DNM2: variants seen among roughly 807,000 people sequenced by gnomAD.
DNM2 encodes the protein dynamin-2.
A neutral mutation model predicts 99.0 loss-of-function variants in DNM2; 15 were observed. The observed-to-expected ratio is 0.15, with a 90% confidence interval of 0.10 to 0.23. The LOEUF is 0.23. DNM2 is among the 10% of genes least tolerant of loss of function. The pLI is 1.00. For synonymous variants in DNM2, 525 were observed against 481.2 expected, an observed-to-expected ratio of 1.09 and a Z score of -1.19; for missense variants, 742 against 1,189.4, an observed-to-expected ratio of 0.62 and a Z score of 5.53.
chr19:10,768,337 C>T (rs943765529), intron 2 of DNM2, among the ~76,000 whole-genome samples: 1 of 152,066 alleles, frequency 6.6e-6, no homozygotes, highest in African/African-American at 2.4e-5. Context: ...GCCTGTCGTC[C>T]CAGCTACTTA....
At chr19:10,773,431 G>A (rs2071044795) in intron 3 of DNM2, among the ~76,000 whole-genome samples, 1 of 141,736 alleles carries the variant, frequency 7.1e-6, no homozygotes. Context: ...ACAGACGTGA[G>A]CCGCCGCGCC....
chr19:10,767,218 T>TA (rs5827112), intron 2 of DNM2, among the ~76,000 whole-genome samples: 38,373 of 142,722 alleles, frequency 0.27, 5,638 homozygotes, highest in Middle Eastern at 0.39. Flanking sequence ...AGTGGATTGT[T>TA]AAAAAAAAAA....
rs2073100795 is a variant in DNM2, at chr19:10,825,158, C to T, written c.1995C>T (p.Ala665=). Residue 665 remains alanine, a synonymous_variant, in exon 18 of 21, where the codon GCC becomes GCT. Transcript: ENST00000389253. The part of the protein sequence containing the change: ...TIRNLVDSYV[A]IINKSIRDLM... Reference sequence around the variant, plus strand: ...GCAACCTGGTGGACTCATACGTGGCCATCATCAACAAGTCCATCCGCGACC... The same window carrying T: ...GCAACCTGGTGGACTCATACGTGGCTATCATCAACAAGTCCATCCGCGACC... 2.5e-6 allele frequency: 4 copies of T among 1,614,224 alleles called. No homozygotes were observed. The highest frequency in any genetic ancestry group is 3.4e-6 in the Non-Finnish European group (4 of 1,180,040).
At position 10,812,356 on chromosome 19, in the gene DNM2, G is replaced by A. The variant is rs766868775; in HGVS notation, c.1650G>A (p.Leu550=). The change falls in exon 15 of 21, where the codon CTG becomes CTA. Residue 550 remains leucine, a synonymous_variant. Coordinates refer to ENST00000389253, the MANE Select transcript of DNM2 (RefSeq NM_001005361.3). This position sits in a 1 kb window ranked among gnomAD's most constrained non-coding sequence, Gnocchi z 4.0. The stretch of plus-strand genomic sequence containing the variant: ...GGTTTGTGCTGACTGCCGAGTCACT[G>A]TCCTGGTACAAGGATGAGGAGGTGA... ...EYWFVLTAES[L]SWYKDEEEKE... is the part of the protein sequence containing the mutation. 2.5e-6 allele frequency: 4 copies of A among 1,609,378 alleles called. No homozygotes were observed. In the South Asian group the frequency reaches 3.3e-5, roughly 13 times the overall value.
At chr19:10,801,269 G>C (rs2072130784) in intron 11 of DNM2, among the ~76,000 whole-genome samples, 1 of 151,998 alleles carries the variant, frequency 6.6e-6, no homozygotes, top group African/African-American at 2.4e-5. Context: ...TTACGCCATT[G>C]CACGCCAGCC....
rs554498470 is a variant in DNM2 at position 10,796,324 on chromosome 19, C to T, written c.1196+885C>T. The T allele has an allele frequency of 3.8e-5, 55 of 1,458,426 alleles. 1 individual carries two copies. In the Admixed American group the frequency reaches 4.4e-4, roughly 12 times the overall value. 90.3% of individuals were successfully genotyped at this position (1,458,426 alleles called of 1,614,324 possible). A position where few individuals can be genotyped will look rare whatever the true frequency, so the allele number is the denominator to read the frequency against. ...TTTTCTCCCCATATCGCTTTGTGTC[C>T]GTGAACTTGGCCTCTCCCCAGAGGC... On this transcript the variant is annotated intron_variant, in intron 9 of 20. Coordinates refer to ENST00000389253, the MANE Select transcript of DNM2 (RefSeq NM_001005361.3). This position sits in a 1 kb window ranked among gnomAD's most constrained non-coding sequence, Gnocchi z 5.6.
At chr19:10,793,933 G>A in intron 8 of DNM2, 78 bp downstream of exon 8, 1 of 1,610,836 alleles carries the variant, frequency 6.2e-7, no homozygotes, top group Non-Finnish European at 8.5e-7. Context: ...CCTCCTCCCA[G>A]GCAATAAGGT....
intron 1 of DNM2, among the ~76,000 whole-genome samples, chr19:10,741,940 T>C (rs578156558): frequency 7.7e-4 from 116 of 151,216 alleles, no homozygotes; most frequent in Admixed American, 1.9e-3. Flanking sequence ...CTCCCTTCTT[T>C]CCTTCCTTCC....
At chr19:10,789,291 G>T (rs2071671322) in intron 7 of DNM2, among the ~76,000 whole-genome samples, 1 of 152,124 alleles carries the variant, frequency 6.6e-6, no homozygotes, top group Non-Finnish European at 1.5e-5. Flanking sequence ...TCAGCCTAAG[G>T]GTGGACCTGG....
chr19:10,720,067 G>A (rs765629927), intron 1 of DNM2, among the ~76,000 whole-genome samples: 1 of 147,712 alleles, frequency 6.8e-6, no homozygotes, highest in Non-Finnish European at 1.5e-5. Flanking sequence ...CCATCTTCCT[G>A]CCTGCCCAGG....
intron 9 of DNM2, among the ~76,000 whole-genome samples, chr19:10,797,089 G>A (rs2071961529): frequency 6.6e-6 from 1 of 152,114 alleles, no homozygotes; most frequent in Admixed American, 6.6e-5. Flanking sequence ...AGAGCCAGGT[G>A]TCATGGACAT....
intron 16 of DNM2, among the ~76,000 whole-genome samples, chr19:10,821,056 C>T (rs1365331936): frequency 6.6e-6 from 1 of 152,156 alleles, no homozygotes; most frequent in East Asian, 1.9e-4. Flanking sequence ...GACCTGTAGG[C>T]AGGCACTGAC....
At chr19:10,731,157 C>A (rs2069300447) in intron 1 of DNM2, among the ~76,000 whole-genome samples, 1 of 152,062 alleles carries the variant, frequency 6.6e-6, no homozygotes, top group Non-Finnish European at 1.5e-5. Flanking sequence ...CAGGCCAGCC[C>A]TGGGGAAAGC....
At position 10,812,305 on chromosome 19, in the gene DNM2, G is replaced by A. The variant is rs2072578262; in HGVS notation, c.1599G>A (p.Leu533=). 1 of 1,610,394 alleles carries A rather than the reference G, an allele frequency of 6.2e-7. No homozygotes were observed. Among genetic ancestry groups the A allele is most frequent in the Admixed American group, 1.7e-5 (1 of 59,424 alleles). Reference sequence around the variant, plus strand: ...GGCTGACCATCAACAACATCAGCCTGATGAAAGGCGGCTCCAAGGAGTACT... The same window carrying A: ...GGCTGACCATCAACAACATCAGCCTAATGAAAGGCGGCTCCAAGGAGTACT... ...RGWLTINNIS[L]MKGGSKEYWF... The change falls in exon 15 of 21, where the codon CTG becomes CTA. Residue 533 remains leucine (L), a synonymous_variant. Coordinates refer to ENST00000389253, the MANE Select transcript of DNM2 (RefSeq NM_001005361.3). This position sits in a 1 kb window ranked among gnomAD's most constrained non-coding sequence, Gnocchi z 4.0.
In DNM2 at chr19:10,750,788, C is replaced by T. The variant is rs141113679; in HGVS notation, c.162-8950C>T. On this transcript the variant is annotated intron_variant, in intron 1 of 20. Coordinates refer to ENST00000389253, the MANE Select transcript of DNM2 (RefSeq NM_001005361.3). Reference sequence around the variant, plus strand: ...TCTACTAAAAATACAAAGAAATTAGCCGGGTGTGGTGCTGGGCGCCTGTAA... The same window carrying T: ...TCTACTAAAAATACAAAGAAATTAGTCGGGTGTGGTGCTGGGCGCCTGTAA... Among the ~76,000 whole-genome samples the T allele has an allele frequency of 3.4e-3, 512 of 152,142 alleles. 4 individuals carry two copies. Among genetic ancestry groups the T allele is most frequent in the African/African-American group, 0.012 (492 of 41,486 alleles).
intron 11 of DNM2, 73 bp from the exon 12 acceptor site, chr19:10,802,215 G>T (rs990542960): frequency 1.9e-6 from 3 of 1,542,476 alleles, no homozygotes; most frequent in Non-Finnish European, 1.8e-6. Flanking sequence ...GGCAAGGCCA[G>T]GAAATGCTCT....
rs1036066908 is a variant in DNM2 at position 10,824,884 on chromosome 19, C to T, written c.1894-173C>T. The T allele has an allele frequency of 6.3e-6, 6 of 947,750 alleles. No homozygotes were observed. The African/African-American group carries it at 8.1e-5, about 13-fold the overall frequency. The allele number at this position is 947,750 out of a possible 1,614,324, so 58.7% of individuals were successfully genotyped here. A position where few individuals can be genotyped will look rare whatever the true frequency, so the allele number is the denominator to read the frequency against. On this transcript the variant is annotated intron_variant, in intron 17 of 20. Coordinates refer to ENST00000389253, the MANE Select transcript of DNM2 (RefSeq NM_001005361.3). ...ACCCCAGCATCAGCCAGGGTCACCC[C>T]ATTGTTTGGGCAGCTCTGGCCCAGG...
rs1387468717 is a variant in DNM2, at chr19:10,796,156, T to C, written c.1196+717T>C. ...CCCTGTCTGAAATGTGTCGACCTGG[T>C]TATCCAGGAGCTAATCAATACAGTT... On this transcript the variant is annotated intron_variant, in intron 9 of 20. Coordinates refer to ENST00000389253, the MANE Select transcript of DNM2 (RefSeq NM_001005361.3). This position sits in a 1 kb window ranked among gnomAD's most constrained non-coding sequence, Gnocchi z 5.6. 1 of 1,614,044 alleles carries C rather than the reference T, an allele frequency of 6.2e-7. No individual in the cohort carries two copies. The highest frequency in any genetic ancestry group is 8.5e-7 in the Non-Finnish European group (1 of 1,180,044).
At chr19:10,748,586 C>T (rs551583702) in intron 1 of DNM2, among the ~76,000 whole-genome samples, 2 of 152,290 alleles carry the variant, frequency 1.3e-5, no homozygotes, top group African/African-American at 4.8e-5. Context: ...CATGGGTCCC[C>T]ACTTCTGCTC....
Sources: gnomAD v4.1 joint callset for allele counts (sites outside exome capture counted in the v4.1 genomes callset) on GRCh38, gnomAD v4.1.1 for gene constraint, Gnocchi (gnomAD v3.1) non-coding constraint, MANE v1.5 for transcripts, NCBI Gene and HGNC (gene_info 2026-07-23, HGNC 2026-07-21) for gene names.